STRN: variants seen among roughly 807,000 people sequenced by gnomAD.
STRN encodes the protein protein phosphatase 2 regulatory subunit B'''alpha.
A neutral mutation model predicts 96.3 loss-of-function variants in STRN; 53 were observed. The observed-to-expected ratio is 0.55, with a 90% CI of 0.44 to 0.69. The LOEUF (loss-of-function observed/expected upper bound fraction) is 0.69, where lower values mean the gene tolerates loss of function less well. Among genes scored for constraint, STRN ranks in the 30% least tolerant of loss-of-function variants. STRN has a pLI of 0.00. For missense variants in STRN, 987 were observed against 963.9 expected (o/e 1.02, Z -0.32); for synonymous variants, 428 against 355.9 (o/e 1.20, Z -2.28).
intron 9 of STRN, among the ~76,000 whole-genome samples, chr2:36,882,133 A>G (rs976536992): frequency 2.4e-4 from 36 of 152,290 alleles, no homozygotes; most frequent in African/African-American, 8.7e-4. Flanking sequence ...AATCGTGAAA[A>G]TCTAGATACA....
intron 12 of STRN, 46 bp downstream of exon 12, chr2:36,867,768 T>TTG: frequency 7.6e-7 from 1 of 1,320,462 alleles, no homozygotes; most frequent in Non-Finnish European, 1.0e-6. Context: ...AACCAGGCTA[T>TTG]TTTACAGAGA....
At chr2:36,921,086 AT>A (rs200598355) in intron 2 of STRN, among the ~76,000 whole-genome samples, 134 of 150,238 alleles carry the variant, frequency 8.9e-4, no homozygotes, top group African/African-American at 2.3e-3. Context: ...AGAAAAAAAA[AT>A]AATAATAATA....
intron 10 of STRN, among the ~76,000 whole-genome samples, chr2:36,875,749 C>T (rs1346712017): frequency 1.3e-5 from 2 of 151,500 alleles, no homozygotes; most frequent in Non-Finnish European, 2.9e-5. Flanking sequence ...CTCTGCCTCC[C>T]GGGTTCACGC....
chr2:36,926,329 TAA>T (rs1052910354), intron 1 of STRN, among the ~76,000 whole-genome samples: 1 of 152,192 alleles, frequency 6.6e-6, no homozygotes, highest in Non-Finnish European at 1.5e-5. Context: ...TAATACCTCT[TAA>T]AAGTCATAAG....
At chr2:36,874,180 C>T (rs756164874) in intron 10 of STRN, among the ~76,000 whole-genome samples, 12 of 151,186 alleles carry the variant, frequency 7.9e-5, no homozygotes, top group South Asian at 2.1e-4. Context: ...AGGAGAAGGG[C>T]GTGAACTCGG....
chr2:36,882,196 C>T (rs1443828494), intron 9 of STRN, among the ~76,000 whole-genome samples: 1 of 150,478 alleles, frequency 6.6e-6, no homozygotes, highest in East Asian at 2.0e-4. Flanking sequence ...TAAAAAAAAA[C>T]AAGAAAAAAA....
intron 9 of STRN, among the ~76,000 whole-genome samples, chr2:36,881,261 G>A (rs1669061900): frequency 6.6e-6 from 1 of 151,630 alleles, no homozygotes; most frequent in Non-Finnish European, 1.5e-5. Flanking sequence ...CCAAGTAGCT[G>A]GGACTACAGG....
Position 36,958,248 on chromosome 2 carries a change from C to G in STRN, c.234+7982G>C, listed in dbSNP as rs868803487. 4.3e-4 allele frequency among the ~76,000 whole-genome samples: 66 copies of G among 152,000 alleles called. 1 individual carries two copies. Among genetic ancestry groups the G allele is most frequent in the Admixed American group, 4.0e-3 (61 of 15,242 alleles). On this transcript the variant is annotated intron_variant, in intron 1 of 17. Coordinates refer to ENST00000263918, the MANE Select transcript of STRN (RefSeq NM_003162.4). ...CTCACAGTTTTTCAAGGACAGCAGG[C>G]GGCACACAAAGGTAAACTAAGGATA...
intron 9 of STRN, among the ~76,000 whole-genome samples, chr2:36,881,930 C>T (rs1248858728): frequency 1.3e-5 from 2 of 152,190 alleles, no homozygotes; most frequent in Non-Finnish European, 2.9e-5. Flanking sequence ...CAACAGAATG[C>T]ATCTCCTAGT....
chr2:36,958,586 C>T (rs1233915928), intron 1 of STRN, among the ~76,000 whole-genome samples: 1 of 152,086 alleles, frequency 6.6e-6, no homozygotes, highest in East Asian at 1.9e-4. Flanking sequence ...ATATGTCATT[C>T]ACAGACTGGA....
At chr2:36,870,296 G>GAAAAAAAA (rs56722317) in intron 10 of STRN, among the ~76,000 whole-genome samples, 1 of 139,022 alleles carries the variant, frequency 7.2e-6, no homozygotes. Context: ...TCTCAAAAAT[G>GAAAAAAAA]AAAAAAAAAA....
At position 36,849,616 on chromosome 2, in the gene STRN, C is replaced by T; in HGVS notation, c.2183G>A (p.Cys728Tyr). ...TTCTAGATTCCATAAACGTATTGAA[C>T]AGTCATGACCTATATCCAAAAAAAA... ...GLYLMSGSHD[C>Y]SIRLWNLESK... The change falls in exon 18 of 18, where the codon TGT (cysteine) becomes TAT (tyrosine). Residue 728 changes from cysteine to tyrosine, a missense_variant. Physicochemically the swap from Cys to Tyr is radical, Grantham distance 194 (BLOSUM62 -2). Transcript: ENST00000263918. 6.2e-7 allele frequency: 1 copy of T among 1,613,632 alleles called. No individual in the cohort carries two copies. The highest frequency in any genetic ancestry group is 8.5e-7 in the Non-Finnish European group (1 of 1,179,844).
rs1193276089 is a variant in STRN at position 36,842,107 on chromosome 2, A to G, written c.*7349T>C. 4.6e-5 allele frequency: 7 copies of G among 152,242 alleles called. No individual in the cohort carries two copies. Among genetic ancestry groups the G allele is most frequent in the African/African-American group, 1.4e-4 (6 of 41,466 alleles). The allele number at this position is 152,242 out of a possible 1,614,324, so 9.4% of individuals were successfully genotyped here. On this transcript the variant is annotated 3_prime_UTR_variant, in exon 18 of 18. Transcript: ENST00000263918. ...CAAAGGGAAGTAGTTGGATGCCAGC[A>G]TACTTTAACATTTCGGCACATATAC...
rs574081278 is a variant in STRN, at chr2:36,936,592, T to C, written c.235-11384A>G. Among the ~76,000 whole-genome samples, 5 of 152,304 alleles carry C rather than the reference T, an allele frequency of 3.3e-5. No individual in the cohort carries two copies. The South Asian group carries it at 8.3e-4, about 25-fold the overall frequency. ...AGGACTTAACAGAAAACTACATGTA[T>C]GTAAGTGACTAATAATCTTTCAATA... On this transcript the variant is annotated intron_variant, in intron 1 of 17. Coordinates refer to ENST00000263918, the MANE Select transcript of STRN (RefSeq NM_003162.4).
At chr2:36,937,390 C>T (rs1178960537) in intron 1 of STRN, among the ~76,000 whole-genome samples, 1 of 150,632 alleles carries the variant, frequency 6.6e-6, no homozygotes, top group Admixed American at 6.6e-5. Flanking sequence ...AAAAAGAGGT[C>T]GGGCATAATG....
chr2:36,905,584 T>G lies in STRN; in HGVS notation c.447A>C (p.Gln149His), dbSNP rs1440159943. The G allele has an allele frequency of 6.8e-6, 11 of 1,613,420 alleles. No homozygotes were observed. The highest frequency in any genetic ancestry group is 9.3e-6 in the Non-Finnish European group (11 of 1,179,908). Reference protein sequence around the residue: ...EGNETEVQPQQNSQLMWKQGR... With the variant: ...EGNETEVQPQHNSQLMWKQGR... ...CTTGTTTCCACATTAACTGGCTGTT[T>G]TGTTGTGGCTGCACTTCTGTTTCAT... The change falls in exon 4 of 18, where the codon CAA becomes CAC. Residue 149 changes from glutamine to histidine, a missense_variant. Transcript: ENST00000263918.
chr2:36,863,125 T>C (rs1668535021), intron 12 of STRN, among the ~76,000 whole-genome samples: 1 of 152,202 alleles, frequency 6.6e-6, no homozygotes, highest in Non-Finnish European at 1.5e-5. Context: ...CTGTGGGTTG[T>C]CTATTTACGC....
At chr2:36,937,447 T>C (rs761701272) in intron 1 of STRN, among the ~76,000 whole-genome samples, 1 of 151,650 alleles carries the variant, frequency 6.6e-6, no homozygotes, top group Non-Finnish European at 1.5e-5. Context: ...GGCAGGAAGA[T>C]GGCTTGAGAC....
chr2:36,886,545 T>C (rs1389309343), intron 8 of STRN, among the ~76,000 whole-genome samples, 171 bp downstream of exon 8: 2 of 152,182 alleles, frequency 1.3e-5, no homozygotes, highest in Non-Finnish European at 2.9e-5. Context: ...TTTAAGTTCA[T>C]AATTAAATAG....
Sources: allele counts gnomAD v4.1 joint callset (sites outside exome capture counted in the v4.1 genomes callset), GRCh38; gene constraint gnomAD v4.1.1; transcripts MANE v1.5; gene names NCBI Gene and HGNC (gene_info 2026-07-23, HGNC 2026-07-21).